Variants in CSTPP1 observed in about 807,000 individuals in gnomAD.
CSTPP1 encodes the protein centriolar satellite-associated tubulin polyglutamylase complex regulator 1, also known as UPF0705 protein C11orf49.
the CSTPP1 span, among the ~76,000 whole-genome samples, chr11:46,966,377 C>T: frequency 6.6e-6 from 1 of 152,154 alleles, no homozygotes; most frequent in East Asian, 1.9e-4. Context: ...CTCTCAGGCT[C>T]ATGGATGAAG....
chr11:46,975,456 G>A, the CSTPP1 span, among the ~76,000 whole-genome samples: 1 of 152,018 alleles, frequency 6.6e-6, no homozygotes, highest in Non-Finnish European at 1.5e-5. Context: ...AAGCAAAAAA[G>A]GAAAGAAAAA....
chr11:46,967,762 G>A, the CSTPP1 span, among the ~76,000 whole-genome samples: 1 of 150,148 alleles, frequency 6.7e-6, no homozygotes, highest in Non-Finnish European at 1.5e-5. Context: ...CTTAATCCTG[G>A]CAAAAAATAA....
chr11:47,054,363 G>A, the CSTPP1 span, among the ~76,000 whole-genome samples: 1 of 150,190 alleles, frequency 6.7e-6, no homozygotes, highest in East Asian at 1.9e-4. Context: ...GAGTGCAGTG[G>A]CATGATCATA....
chr11:47,153,945 T>C, the CSTPP1 span, among the ~76,000 whole-genome samples: 1 of 151,936 alleles, frequency 6.6e-6, no homozygotes, highest in Non-Finnish European at 1.5e-5. Context: ...AGAAAACTTT[T>C]TTTGTTTTTT....
chr11:46,958,662 A>G, the CSTPP1 span, among the ~76,000 whole-genome samples: 1 of 152,166 alleles, frequency 6.6e-6, no homozygotes, highest in Non-Finnish European at 1.5e-5. Context: ...ATTGGCTGAC[A>G]TGACTATGGA....
At chr11:47,159,067 G>A in the CSTPP1 span, among the ~76,000 whole-genome samples, 2 of 152,286 alleles carry the variant, frequency 1.3e-5, no homozygotes, top group African/African-American at 2.4e-5. Flanking sequence ...GGATGCTCTG[G>A]GATACACAAG....
At chr11:47,065,273 T>TG in the CSTPP1 span, among the ~76,000 whole-genome samples, 59 of 152,228 alleles carry the variant, frequency 3.9e-4, no homozygotes, top group Middle Eastern at 3.4e-3. Flanking sequence ...GAACATAGGA[T>TG]GTGTTTCCAT....
At chr11:47,055,709 C>T in the CSTPP1 span, among the ~76,000 whole-genome samples, 1 of 152,172 alleles carries the variant, frequency 6.6e-6, no homozygotes, top group Admixed American at 6.5e-5. Context: ...CCCAGATTTA[C>T]TAATATGCTG....
the CSTPP1 span, among the ~76,000 whole-genome samples, chr11:47,026,684 C>T: frequency 6.6e-6 from 1 of 152,124 alleles, no homozygotes; most frequent in Non-Finnish European, 1.5e-5. Context: ...TCAAGACCAG[C>T]CTGGCCAACC....
the CSTPP1 span, among the ~76,000 whole-genome samples, chr11:46,967,010 G>A: frequency 6.6e-6 from 1 of 152,086 alleles, no homozygotes; most frequent in African/African-American, 2.4e-5. Context: ...ATGGCTGGGA[G>A]AGACAGACTC....
At chr11:46,997,389 A>C in the CSTPP1 span, among the ~76,000 whole-genome samples, 1 of 152,152 alleles carries the variant, frequency 6.6e-6, no homozygotes, top group African/African-American at 2.4e-5. Flanking sequence ...TTCTTGTGCC[A>C]TGGTTTTCAG....
the CSTPP1 span, among the ~76,000 whole-genome samples, chr11:46,989,194 C>A: frequency 6.6e-6 from 1 of 151,948 alleles, no homozygotes; most frequent in Admixed American, 6.5e-5. Flanking sequence ...GGTGCCACTG[C>A]ACTCCAGCCT....
the CSTPP1 span, among the ~76,000 whole-genome samples, chr11:46,945,850 AT>A: frequency 1.3e-5 from 2 of 152,168 alleles, no homozygotes; most frequent in Non-Finnish European, 2.9e-5. Context: ...AGACAGTATA[AT>A]AAGTAAAGAG....
the CSTPP1 span, among the ~76,000 whole-genome samples, chr11:47,073,971 A>C: frequency 2.6e-5 from 4 of 152,204 alleles, no homozygotes; most frequent in African/African-American, 7.2e-5. Flanking sequence ...CTTGTTCTCA[A>C]GTCAAACAGT....
At chr11:46,943,366 C>G in the CSTPP1 span, among the ~76,000 whole-genome samples, 1 of 152,212 alleles carries the variant, frequency 6.6e-6, no homozygotes, top group Non-Finnish European at 1.5e-5. Context: ...ACCCAGCAGT[C>G]TAATTGAAGT....
chr11:47,017,246 C>T, the CSTPP1 span, among the ~76,000 whole-genome samples: 2 of 146,306 alleles, frequency 1.4e-5, no homozygotes, highest in Admixed American at 7.0e-5. Context: ...GCAATCTTGG[C>T]TCACTGCAAC....
chr11:47,154,889 G>A, the CSTPP1 span: 4 of 493,714 alleles, frequency 8.1e-6, no homozygotes, highest in African/African-American at 7.6e-5. Flanking sequence ...TGCTCCATCC[G>A]CTAGCTGGTG....
the CSTPP1 span, among the ~76,000 whole-genome samples, chr11:47,122,088 A>T: frequency 1.0e-5 from 1 of 96,762 alleles, no homozygotes; most frequent in Non-Finnish European, 2.1e-5. Flanking sequence ...AAAAAAAAAA[A>T]AAAATATATA....
the CSTPP1 span, among the ~76,000 whole-genome samples, chr11:47,102,438 T>C: frequency 6.6e-6 from 1 of 152,078 alleles, no homozygotes; most frequent in African/African-American, 2.4e-5. Flanking sequence ...GCCTTCTCAA[T>C]TGAGGCAATA....
Sources: gnomAD v4.1 joint callset for allele counts (sites outside exome capture counted in the v4.1 genomes callset) on GRCh38, gnomAD v4.1.1 for gene constraint, MANE v1.5 for transcripts, NCBI Gene and HGNC (gene_info 2026-07-23, HGNC 2026-07-21) for gene names.